Variants in DLGAP2 observed in about 807,000 individuals in gnomAD.
DLGAP2 encodes DLG associated protein 2.
A neutral mutation model predicts 100.3 loss-of-function variants in DLGAP2; 26 were observed. The ratio of observed to expected loss-of-function variants is 0.26; its 90% CI spans 0.19 to 0.36. DLGAP2 has a LOEUF of 0.36. DLGAP2 is among the 10% of genes least tolerant of loss of function. The pLI, the probability that DLGAP2 is intolerant of heterozygous loss-of-function variation, is 1.00. For synonymous variants in DLGAP2, 886 were observed against 630.1 expected (o/e 1.41, Z -6.08); for missense variants, 1,858 against 1,453.2 (o/e 1.28, Z -4.53).
At chr8:923,323 C>CG in intron 2 of DLGAP2, among the ~76,000 whole-genome samples, 1 of 152,344 alleles carries the variant, frequency 6.6e-6, no homozygotes, top group East Asian at 1.9e-4. Flanking sequence ...TCCTGTGTCA[C>CG]GTCCCATGAC....
chr8:875,909 T>C lies in DLGAP2; in HGVS notation c.19-32003T>C, dbSNP rs149231125. Reference sequence around the variant, plus strand: ...AATAAATAGAAGCATTACTTCTATGTAGCTATACTATGTTTCCCCTCTTCT... The same window carrying C: ...AATAAATAGAAGCATTACTTCTATGCAGCTATACTATGTTTCCCCTCTTCT... On this transcript the variant is annotated intron_variant, in intron 1 of 14. Coordinates refer to ENST00000637795, the MANE Select transcript of DLGAP2 (RefSeq NM_001346810.2). Among the ~76,000 whole-genome samples the C allele has an allele frequency of 4.3e-4, 66 of 152,338 alleles. 1 individual carries two copies. The highest frequency in any genetic ancestry group is 9.1e-4 in the African/African-American group (38 of 41,582).
At chr8:804,761 T>A (rs1001277632) in intron 1 of DLGAP2, among the ~76,000 whole-genome samples, 3 of 152,216 alleles carry the variant, frequency 2.0e-5, no homozygotes, top group African/African-American at 7.2e-5. Context: ...ATATCACTTC[T>A]TTTTCATTTT....
At chr8:1,391,920 T>C (rs961291616) in intron 3 of DLGAP2, among the ~76,000 whole-genome samples, 1 of 152,208 alleles carries the variant, frequency 6.6e-6, no homozygotes, top group Admixed American at 6.5e-5. Flanking sequence ...CAAGGGGCCA[T>C]GGAGGAGCCG....
At chr8:1,617,027 C>T (rs1049652757) in intron 6 of DLGAP2, among the ~76,000 whole-genome samples, 3 of 152,188 alleles carry the variant, frequency 2.0e-5, no homozygotes, top group Non-Finnish European at 2.9e-5. Context: ...GGATAATGGC[C>T]TCCAGCTCCA....
chr8:1,266,753 G>T (rs765478551), intron 3 of DLGAP2, among the ~76,000 whole-genome samples: 16 of 152,080 alleles, frequency 1.1e-4, no homozygotes, highest in Non-Finnish European at 2.1e-4. Flanking sequence ...CCCAGTGTGT[G>T]TATATGTGTT....
chr8:1,185,288 G>A (rs1286235258), intron 2 of DLGAP2, among the ~76,000 whole-genome samples: 3 of 152,124 alleles, frequency 2.0e-5, no homozygotes, highest in Non-Finnish European at 4.4e-5. Flanking sequence ...CTTCAGGGCT[G>A]TGGTGCAATG....
chr8:1,164,436 G>A (rs953173806), intron 2 of DLGAP2, among the ~76,000 whole-genome samples: 24 of 145,556 alleles, frequency 1.6e-4, no homozygotes, highest in African/African-American at 6.1e-4. Context: ...TCAGCCCCAT[G>A]TGAAAGTCTG....
At chr8:1,669,698 C>T (rs1221739903) in intron 9 of DLGAP2, 45 bp from the exon 10 acceptor site, 1 of 780,672 alleles carries the variant, frequency 1.3e-6, no homozygotes, top group Non-Finnish European at 2.4e-6. Context: ...TGGTCCAGGG[C>T]CTCCGAACCA....
At chr8:1,154,794 T>G (rs1299134272) in intron 2 of DLGAP2, among the ~76,000 whole-genome samples, 4 of 152,060 alleles carry the variant, frequency 2.6e-5, no homozygotes, top group Non-Finnish European at 4.4e-5. Flanking sequence ...CATCCCGCCC[T>G]AAAATAAGAC....
rs72529197 is a variant in DLGAP2, at chr8:1,381,782, AGTGTGTGTGTGTGTGTGT to A, written c.107-119559_107-119542del. 2.7e-4 allele frequency among the ~76,000 whole-genome samples: 38 copies of A among 141,790 alleles called. 1 individual carries two copies. Among genetic ancestry groups the A allele is most frequent in the African/African-American group, 8.7e-4 (33 of 38,028 alleles). The allele number at this position is 141,790 out of a possible 152,430, so 93.0% of individuals were successfully genotyped here. Reference sequence around the variant, plus strand: ...CCTTAGTAAATCTGAGGGTTATTCTAGTGTGTGTGTGTGTGTGTGTGTGTGTGTGTGTGTGTGTGTGTT... The same window carrying A: ...CCTTAGTAAATCTGAGGGTTATTCTAGTGTGTGTGTGTGTGTGTGTGTGTT... On this transcript the variant is annotated intron_variant, in intron 3 of 14. Coordinates refer to ENST00000637795, the MANE Select transcript of DLGAP2 (RefSeq NM_001346810.2).
At chr8:1,278,013 A>G (rs541384488) in intron 3 of DLGAP2, among the ~76,000 whole-genome samples, 7 of 152,224 alleles carry the variant, frequency 4.6e-5, no homozygotes, top group Non-Finnish European at 1.0e-4. Flanking sequence ...TATTATTTTT[A>G]GTCATCATTG....
chr8:1,377,515 G>GC (rs1478445211), intron 3 of DLGAP2, among the ~76,000 whole-genome samples: 3 of 152,186 alleles, frequency 2.0e-5, no homozygotes, highest in African/African-American at 4.8e-5. Flanking sequence ...CTGCACTCCA[G>GC]CCCGGGCGAT....
intron 2 of DLGAP2, among the ~76,000 whole-genome samples, chr8:1,098,112 C>T (rs917618201): frequency 6.6e-6 from 1 of 152,256 alleles, no homozygotes; most frequent in Non-Finnish European, 1.5e-5. Flanking sequence ...TCTCAGCAAA[C>T]GTTGGCGGCG....
chr8:1,275,108 T>A (rs1383693221), intron 3 of DLGAP2, among the ~76,000 whole-genome samples: 1 of 152,138 alleles, frequency 6.6e-6, no homozygotes, highest in Non-Finnish European at 1.5e-5. Flanking sequence ...GCAATTTAAT[T>A]TCGAGCACTG....
At chr8:953,841 G>T (rs1180974292) in intron 2 of DLGAP2, among the ~76,000 whole-genome samples, 3 of 152,214 alleles carry the variant, frequency 2.0e-5, no homozygotes, top group Admixed American at 6.5e-5. Context: ...CATTTGGTCA[G>T]TCACTCAGAT....
rs1168319000 is a variant in DLGAP2, at chr8:965,795, G to A, written c.73+57829G>A. 1.1e-3 allele frequency among the ~76,000 whole-genome samples: 156 copies of A among 140,266 alleles called. 1 individual carries two copies. The highest frequency in any genetic ancestry group is 4.2e-3 in the African/African-American group (146 of 35,168). The allele number at this position is 140,266 out of a possible 152,430, so 92.0% of individuals were successfully genotyped here. A position where few individuals can be genotyped will look rare whatever the true frequency, so the allele number is the denominator to read the frequency against. On this transcript the variant is annotated intron_variant, in intron 2 of 14. Coordinates refer to ENST00000637795, the MANE Select transcript of DLGAP2 (RefSeq NM_001346810.2). ...TGCACACGGCACTGTTCACCACACA[G>A]GGCTCCTGAGTCTGACCCCTGCGCT...
chr8:1,437,759 G>T (rs1797689484), intron 3 of DLGAP2, among the ~76,000 whole-genome samples: 1 of 144,852 alleles, frequency 6.9e-6, no homozygotes, highest in Admixed American at 7.3e-5. Context: ...TTTGAGGTCA[G>T]GAGTTCGAGA....
chr8:740,878 C>T (rs755400505), intron 1 of DLGAP2, among the ~76,000 whole-genome samples: 8 of 152,140 alleles, frequency 5.3e-5, no homozygotes, highest in Non-Finnish European at 8.8e-5. Flanking sequence ...AGGATGGATG[C>T]TCCATGGTCA....
chr8:1,061,405 C>T (rs896455765), intron 2 of DLGAP2, among the ~76,000 whole-genome samples: 13 of 152,156 alleles, frequency 8.5e-5, no homozygotes, highest in Admixed American at 2.0e-4. Flanking sequence ...AGCTCATCGG[C>T]TCATCCACGT....
Sources: gnomAD v4.1 joint callset for allele counts (sites outside exome capture counted in the v4.1 genomes callset) on GRCh38, gnomAD v4.1.1 for gene constraint, MANE v1.5 for transcripts, NCBI Gene and HGNC (gene_info 2026-07-23, HGNC 2026-07-21) for gene names.